The following CELSR3 variants were observed in gnomAD, a reference collection of about 807,000 sequenced individuals.
CELSR3 encodes cadherin EGF LAG seven-pass G-type receptor 3.
Under a neutral mutation model 270.0 loss-of-function variants are expected in CELSR3, and 73 were observed. The observed-to-expected ratio is 0.27, with a 90% CI of 0.22 to 0.33. The LOEUF is 0.33. Ranked by LOEUF, CELSR3 falls within the 10% of genes least tolerant of loss-of-function variation. The pLI, the probability that CELSR3 is intolerant of heterozygous loss-of-function variation, is 1.00. For synonymous variants in CELSR3, 1,780 were observed against 1,905.4 expected (o/e 0.93, Z 1.71); for missense variants, 3,614 against 4,533.8 (o/e 0.80, Z 5.83).
In CELSR3 at chr3:48,662,380, G is replaced by A; in HGVS notation, c.255C>T (p.Phe85=). ...TTTGCCTTCTCCCTCGGAGCCCCAC[G>A]AAGATAGGCTCCCTGACCCCCAGGC... ...GPGLGVREPI[F]VGLRGRRQSA... The change falls in exon 1 of 35, where the codon TTC becomes TTT. Residue 85 remains phenylalanine, a synonymous_variant. Coordinates refer to ENST00000164024, the MANE Select transcript of CELSR3 (RefSeq NM_001407.3). The surrounding 1 kb of genome is among the most constrained non-coding windows in gnomAD (Gnocchi z 7.1). 1 of 1,612,882 alleles carries A rather than the reference G, an allele frequency of 6.2e-7. No homozygotes were observed. The highest frequency in any genetic ancestry group is 1.1e-5 in the South Asian group (1 of 91,072).
intron 16 of CELSR3, among the ~76,000 whole-genome samples, chr3:48,649,604 T>C (rs2047119188): frequency 6.6e-6 from 1 of 152,104 alleles, no homozygotes; most frequent in South Asian, 2.1e-4. Context: ...CACACAGACA[T>C]GCCAACACAG....
chr3:48,648,179 T>A, intron 19 of CELSR3, 87 bp downstream of exon 19: 1 of 1,472,690 alleles, frequency 6.8e-7, no homozygotes. Flanking sequence ...AACATTGGCA[T>A]TGATAGCCAC....
At position 48,640,545 on chromosome 3, in the gene CELSR3, G is replaced by A. The variant is rs537517671; in HGVS notation, c.9040C>T (p.Arg3014Trp). ...TGTGGCACCAGTGGGTATTGCAACC[G>A]GTTCTTCAGGATGCCTGTGAGAGGA... is the stretch of plus-strand genomic sequence containing the variant. ...QRQRKGILKN[R>W]LQYPLVPQTR... Residue 3014 changes from arginine to tryptophan, a missense_variant, in exon 34 of 35, where the codon CGG becomes TGG. Around this residue, in one of 7 missense-constraint regions of CELSR3, gnomAD observed 1,240 missense variants for 1,351.7 expected, o/e 0.92. Coordinates refer to ENST00000164024, the MANE Select transcript of CELSR3 (RefSeq NM_001407.3). The surrounding 1 kb of genome is among the most constrained non-coding windows in gnomAD (Gnocchi z 7.5). 1.3e-5 allele frequency: 21 copies of A among 1,587,684 alleles called. No individual in the cohort carries two copies. The African/African-American group carries it at 1.5e-4, about 11-fold the overall frequency.
chr3:48,640,005 G>C lies in CELSR3; in HGVS notation c.9580C>G (p.Leu3194Val), dbSNP rs1352166218. ...PLLPSRPLDS[L>V]SRSSNSREQL... The stretch of plus-strand genomic sequence containing the variant: ...TCCCGAGAGTTCGAGCTCCTAGACA[G>C]AGAGTCCAGCGGCCGGGATGGCAAG... The change falls in exon 34 of 35, where the codon CTG (leucine) becomes GTG (valine). Residue 3194 changes from leucine (L) to valine (V), a missense_variant. Around this residue, in one of 7 missense-constraint regions of CELSR3, gnomAD observed 1,240 missense variants for 1,351.7 expected, o/e 0.92. Transcript: ENST00000164024. The surrounding 1 kb of genome is among the most constrained non-coding windows in gnomAD (Gnocchi z 7.5). The C allele has an allele frequency of 1.2e-6, 2 of 1,612,454 alleles. No homozygotes were observed. Among genetic ancestry groups the C allele is most frequent in the Non-Finnish European group, 1.7e-6 (2 of 1,179,968 alleles).
In CELSR3 at chr3:48,641,633, G is replaced by A; in HGVS notation, c.8825-109C>T. The A allele has an allele frequency of 1.1e-6, 1 of 882,688 alleles. No individual in the cohort carries two copies. The highest frequency in any genetic ancestry group is 1.7e-6 in the Non-Finnish European group (1 of 571,970). The allele number at this position is 882,688 out of a possible 1,614,324, so 54.7% of individuals were successfully genotyped here. On this transcript the variant is annotated intron_variant, in intron 32 of 34. Transcript: ENST00000164024. This position sits in a 1 kb window ranked among gnomAD's most constrained non-coding sequence, Gnocchi z 4.8. ...TGGCTGTTCTCATTGAGCAGAGGTG[G>A]GAACAGGAGGGTATCTCCTCAGAGA...
Position 48,645,403 on chromosome 3 carries a change from G to C in CELSR3, c.7797+40C>G, listed in dbSNP as rs1163133508. On this transcript the variant is annotated intron_variant, in intron 24 of 34. Transcript: ENST00000164024. The surrounding 1 kb of genome is among the most constrained non-coding windows in gnomAD (Gnocchi z 5.4). ...TGGCCCCAGGCCTCCTGGGCCAGTA[G>C]GGTCATCAGGACACAAGTTCCCTGG... 2.5e-6 allele frequency: 4 copies of C among 1,609,038 alleles called. No homozygotes were observed. Among genetic ancestry groups the C allele is most frequent in the Non-Finnish European group, 8.5e-7 (1 of 1,176,670 alleles).
rs890706601 is a variant in CELSR3 at position 48,640,706 on chromosome 3, C to A, written c.9026-147G>T. The A allele has an allele frequency of 3.6e-6, 3 of 829,274 alleles. No individual in the cohort carries two copies. Among genetic ancestry groups the A allele is most frequent in the South Asian group, 1.9e-5 (1 of 53,688 alleles). The allele number at this position is 829,274 out of a possible 1,614,324, so 51.4% of individuals were successfully genotyped here. On this transcript the variant is annotated intron_variant, in intron 33 of 34. Transcript: ENST00000164024. This position sits in a 1 kb window ranked among gnomAD's most constrained non-coding sequence, Gnocchi z 7.5. ...CCCCTTGGGGAGCAGCAGAGGCAAC[C>A]CTGGTGGTCCCAGAGAGGCAGCAGG...
At position 48,642,702 on chromosome 3, in the gene CELSR3, G is replaced by T; in HGVS notation, c.8555+34C>A. The T allele has an allele frequency of 6.3e-7, 1 of 1,597,624 alleles. No individual in the cohort carries two copies. The highest frequency in any genetic ancestry group is 8.5e-7 in the Non-Finnish European group (1 of 1,175,390). The stretch of plus-strand genomic sequence containing the variant: ...TGGTAAGGTGGGGCTGGACTAAGCT[G>T]AGTGTTCCCTCACAAGGAGGCTCTT... On this transcript the variant is annotated intron_variant, in intron 30 of 34. Transcript: ENST00000164024. The surrounding 1 kb of genome is among the most constrained non-coding windows in gnomAD (Gnocchi z 6.1).
chr3:48,643,584 G>C lies in CELSR3; in HGVS notation c.8259C>G (p.His2753Gln). 1 of 1,551,058 alleles carries C rather than the reference G, an allele frequency of 6.4e-7. No homozygotes were observed. The highest frequency in any genetic ancestry group is 2.4e-5 in the East Asian group (1 of 40,922). ...LAVNHSILAF[H>Q]YLHAGLCGLQ... The stretch of plus-strand genomic sequence containing the variant: ...GGCCGCAGAGTCCAGCATGGAGGTA[G>C]TGGAAGGCTAGGATGCTGTGGTTGA... The change falls in exon 28 of 35, where the codon CAC becomes CAG. Residue 2753 changes from histidine to glutamine, a missense_variant. Physicochemically the swap from His to Gln is conservative, Grantham distance 24. Around this residue, in one of 7 missense-constraint regions of CELSR3, gnomAD observed 1,240 missense variants for 1,351.7 expected, o/e 0.92. Transcript: ENST00000164024.
Position 48,650,432 on chromosome 3 carries a change from C to CCGGGGGGGGGGGG in CELSR3, c.6472+47_6472+48insCCCCCCCCCCCCG. ...AGACATGGCTCTAGCAGTCAGAGTA[C>CCGGGGGGGGGGGG]AGGCCCACCCCCACCCTCAGTGATG... On this transcript the variant is annotated intron_variant, in intron 16 of 34. Coordinates refer to ENST00000164024, the MANE Select transcript of CELSR3 (RefSeq NM_001407.3). The surrounding 1 kb of genome is among the most constrained non-coding windows in gnomAD (Gnocchi z 5.1). The CCGGGGGGGGGGGG allele has an allele frequency of 8.3e-7, 1 of 1,208,938 alleles. No homozygotes were observed. 74.9% of individuals were successfully genotyped at this position (1,208,938 alleles called of 1,614,324 possible). A position where few individuals can be genotyped will look rare whatever the true frequency, so the allele number is the denominator to read the frequency against.
chr3:48,654,560 G>A lies in CELSR3; in HGVS notation c.4989-108C>T. 1.0e-6 allele frequency: 1 copy of A among 970,972 alleles called. No homozygotes were observed. The highest frequency in any genetic ancestry group is 2.6e-5 in the East Asian group (1 of 38,124). 60.1% of individuals were successfully genotyped at this position (970,972 alleles called of 1,614,324 possible). The stretch of plus-strand genomic sequence containing the variant: ...AGGACCCAGAGGGTAGGGTGATTGA[G>A]GGAGGAAAATAAGGCCGAGCTGTGG... On this transcript the variant is annotated intron_variant, in intron 6 of 34. Coordinates refer to ENST00000164024, the MANE Select transcript of CELSR3 (RefSeq NM_001407.3). This position sits in a 1 kb window ranked among gnomAD's most constrained non-coding sequence, Gnocchi z 5.4.
In CELSR3 at chr3:48,653,440, C is replaced by T. The variant is rs954711629; in HGVS notation, c.5448+179G>A. Among the ~76,000 whole-genome samples, 1 of 152,106 alleles carries T rather than the reference C, an allele frequency of 6.6e-6. No individual in the cohort carries two copies. Among genetic ancestry groups the T allele is most frequent in the Non-Finnish European group, 1.5e-5 (1 of 68,020 alleles). ...GAGAGAGCTATGCTGGAGCCCTGCACCTGCAGAGGATATAATGATGGAAAG... is the reference window on the plus strand; with the variant it reads ...GAGAGAGCTATGCTGGAGCCCTGCATCTGCAGAGGATATAATGATGGAAAG... On this transcript the variant is annotated intron_variant, in intron 9 of 34. Coordinates refer to ENST00000164024, the MANE Select transcript of CELSR3 (RefSeq NM_001407.3). This position sits in a 1 kb window ranked among gnomAD's most constrained non-coding sequence, Gnocchi z 6.5.
At chr3:48,656,389 G>A in intron 2 of CELSR3, 24 bp from the exon 3 acceptor site, 1 of 1,396,866 alleles carries the variant, frequency 7.2e-7, no homozygotes, top group Non-Finnish European at 9.2e-7. Context: ...CGCGGTCAGA[G>A]GCGGTCACGC....
chr3:48,648,488 T>A (rs1307304965), intron 18 of CELSR3, 27 bp from the exon 19 acceptor site: 4 of 1,506,036 alleles, frequency 2.7e-6, no homozygotes, highest in African/African-American at 1.4e-5. Flanking sequence ...AGAATTGGGT[T>A]CAGCCAGGTG....
chr3:48,642,454 C>G lies in CELSR3; in HGVS notation c.8569G>C (p.Val2857Leu), dbSNP rs774580101. The G allele has an allele frequency of 6.1e-5, 98 of 1,612,760 alleles. No individual in the cohort carries two copies. The highest frequency in any genetic ancestry group is 8.1e-5 in the Non-Finnish European group (95 of 1,179,762). The stretch of plus-strand genomic sequence containing the variant: ...TGGTCAGCGGCTGAGCCATGTCGAA[C>G]CAGGACATTGTCCCTGGAAAAGCAG... ...GRSYLRDNVL[V>L]RHGSAADHTD... Residue 2857 changes from valine to leucine, a missense_variant, in exon 31 of 35, where the codon GTT becomes CTT. Val to Leu is a conservative substitution (Grantham distance 32, BLOSUM62 1). Coordinates refer to ENST00000164024, the MANE Select transcript of CELSR3 (RefSeq NM_001407.3). The surrounding 1 kb of genome is among the most constrained non-coding windows in gnomAD (Gnocchi z 6.1).
Position 48,646,245 on chromosome 3 carries a change from G to C in CELSR3, c.7308C>G (p.Asn2436Lys). The change falls in exon 22 of 35, where the codon AAC becomes AAG. Residue 2436 changes from asparagine to lysine, a missense_variant. Physicochemically the swap from Asn to Lys is moderately conservative, Grantham distance 94. Transcript: ENST00000164024. This position sits in a 1 kb window ranked among gnomAD's most constrained non-coding sequence, Gnocchi z 4.8. ...AERRGARLPQ[N>K]PVMNSPVVSV... ...TGACCACCGGGGAGTTCATGACGGGGTTCTGAGGAAGCCTGGGGAGACACC... is the reference window on the plus strand; with the variant it reads ...TGACCACCGGGGAGTTCATGACGGGCTTCTGAGGAAGCCTGGGGAGACACC... 6.2e-7 allele frequency: 1 copy of C among 1,611,212 alleles called. No individual in the cohort carries two copies. Among genetic ancestry groups the C allele is most frequent in the South Asian group, 1.1e-5 (1 of 91,034 alleles).
chr3:48,660,854 G>A lies in CELSR3; in HGVS notation c.1781C>T (p.Ala594Val), dbSNP rs753906705. The A allele has an allele frequency of 6.2e-7, 1 of 1,613,950 alleles. No homozygotes were observed. Among genetic ancestry groups the A allele is most frequent in the Admixed American group, 1.7e-5 (1 of 60,020 alleles). ...GATCTCGCCAGTGAGGCTGTCGATG[G>A]CAAAGTGTCCACGGCTATTGCCACT... ...IISGNSRGHFAIDSLTGEIQV... is the reference protein window; with the variant it reads ...IISGNSRGHFVIDSLTGEIQV... Residue 594 changes from alanine to valine, a missense_variant, in exon 1 of 35, where the codon GCC (alanine) becomes GTC (valine). Ala to Val is a moderately conservative substitution (Grantham distance 64). Transcript: ENST00000164024. This position sits in a 1 kb window ranked among gnomAD's most constrained non-coding sequence, Gnocchi z 5.5.
Position 48,660,611 on chromosome 3 carries a change from G to A in CELSR3, c.2024C>T (p.Ala675Val), listed in dbSNP as rs756212270. 1 of 1,614,224 alleles carries A rather than the reference G, an allele frequency of 6.2e-7. No homozygotes were observed. Among genetic ancestry groups the A allele is most frequent in the Non-Finnish European group, 8.5e-7 (1 of 1,180,042 alleles). Residue 675 changes from alanine (A) to valine (V), a missense_variant, in exon 1 of 35, where the codon GCA becomes GTA. Ala to Val is a moderately conservative substitution (Grantham distance 64). Around this residue, in one of 7 missense-constraint regions of CELSR3, gnomAD observed 354 missense variants for 500.9 expected, o/e 0.71. Coordinates refer to ENST00000164024, the MANE Select transcript of CELSR3 (RefSeq NM_001407.3). This position sits in a 1 kb window ranked among gnomAD's most constrained non-coding sequence, Gnocchi z 5.5. ...PLGHSVIHIQ[A>V]VDADHGENAR... ...ATTCTCCCCATGGTCTGCATCGACT[G>A]CCTGAATGTGGATGACTGAGTGACC...
Position 48,658,771 on chromosome 3 carries a change from C to G in CELSR3, c.3748+116G>C. 1 of 1,305,412 alleles carries G rather than the reference C, an allele frequency of 7.7e-7. No individual in the cohort carries two copies. Among genetic ancestry groups the G allele is most frequent in the Non-Finnish European group, 1.1e-6 (1 of 941,316 alleles). The allele number at this position is 1,305,412 out of a possible 1,614,324, so 80.9% of individuals were successfully genotyped here. On this transcript the variant is annotated intron_variant, in intron 1 of 34. Transcript: ENST00000164024. The surrounding 1 kb of genome is among the most constrained non-coding windows in gnomAD (Gnocchi z 4.7). ...TCTTGTAGGGTGCAGGAACCCTACCCTTAAGGGGTTCTTGGAAGGCTTAGA... is the reference window on the plus strand; with the variant it reads ...TCTTGTAGGGTGCAGGAACCCTACCGTTAAGGGGTTCTTGGAAGGCTTAGA...
Sources: allele counts gnomAD v4.1 joint callset (sites outside exome capture counted in the v4.1 genomes callset), GRCh38; gene constraint gnomAD v4.1.1; regional missense constraint gnomAD v4.1.1; non-coding constraint Gnocchi (gnomAD v3.1); transcripts MANE v1.5; gene names NCBI Gene and HGNC (gene_info 2026-07-23, HGNC 2026-07-21).